The following CGGBP1 variants were observed in gnomAD, a reference collection of about 807,000 sequenced individuals.
CGGBP1 encodes CGG triplet repeat binding protein 1.
CGGBP1 carries 4 observed loss-of-function variants against 11.4 expected under a neutral mutation model. That is an observed-to-expected ratio of 0.35 (90% CI 0.17 to 0.80). The LOEUF (loss-of-function observed/expected upper bound fraction) is 0.80, where lower values mean the gene tolerates loss of function less well. Ranked by LOEUF, CGGBP1 falls within the 30% of genes least tolerant of loss-of-function variation. The pLI is 0.52. For missense variants in CGGBP1, 135 were observed against 202.1 expected (o/e 0.67, Z 2.01); for synonymous variants, 76 against 74.1 (o/e 1.03, Z -0.13).
chr3:88,142,414 C>T (rs1409139479), intron 1 of CGGBP1: 4 of 152,086 alleles, frequency 2.6e-5, no homozygotes, highest in Non-Finnish European at 5.9e-5. Context: ...AGAAAAAAAC[C>T]GATCAGTACT....
At chr3:88,064,803 C>T (rs1377978478) in intron 2 of CGGBP1, among the ~76,000 whole-genome samples, 1 of 152,098 alleles carries the variant, frequency 6.6e-6, no homozygotes, top group African/African-American at 2.4e-5. Context: ...TAGGATCAGA[C>T]GTAAATGTGG....
At chr3:88,115,793 A>G (rs1052508049) in intron 2 of CGGBP1, among the ~76,000 whole-genome samples, 3 of 152,278 alleles carry the variant, frequency 2.0e-5, no homozygotes, top group Admixed American at 1.3e-4. Context: ...CATATGATGC[A>G]TCTGCCTCAT....
chr3:88,068,409 C>T (rs1228442801), intron 2 of CGGBP1, among the ~76,000 whole-genome samples: 2 of 152,016 alleles, frequency 1.3e-5, no homozygotes, highest in African/African-American at 4.8e-5. Context: ...TATTAATAGA[C>T]AGGTGCACAA....
intron 2 of CGGBP1, among the ~76,000 whole-genome samples, chr3:88,076,675 T>G (rs1707821862): frequency 6.6e-6 from 1 of 152,234 alleles, no homozygotes; most frequent in Non-Finnish European, 1.5e-5. Context: ...TTGATCTTCA[T>G]GTACTTCTTG....
upstream of CGGBP1, chr3:88,059,049 G>A: frequency 1.7e-6 from 1 of 580,126 alleles, no homozygotes; most frequent in South Asian, 2.1e-5. Flanking sequence ...GAGCAGCATT[G>A]ACCAACAGAC....
chr3:88,056,097 C>A, intron 3 of CGGBP1, 98 bp from the exon 4 acceptor site: 1 of 892,462 alleles, frequency 1.1e-6, no homozygotes, highest in Non-Finnish European at 1.7e-6. Context: ...TCAAATACTT[C>A]AAAAAACTTA....
At chr3:88,083,432 G>C (rs2107652947) in intron 2 of CGGBP1, among the ~76,000 whole-genome samples, 1 of 152,262 alleles carries the variant, frequency 6.6e-6, no homozygotes, top group East Asian at 1.9e-4. Flanking sequence ...ATATGCTCTT[G>C]AAAGTGCTGC....
chr3:88,143,164 T>C (rs1707207996), intron 1 of CGGBP1: 1 of 152,284 alleles, frequency 6.6e-6, no homozygotes, highest in African/African-American at 2.4e-5. Flanking sequence ...GTGGGGAATT[T>C]CTTCCAGGTA....
At chr3:88,100,009 A>G (rs1293691304) in intron 2 of CGGBP1, among the ~76,000 whole-genome samples, 1 of 152,250 alleles carries the variant, frequency 6.6e-6, no homozygotes, top group African/African-American at 2.4e-5. Context: ...CTGCACAGCA[A>G]AAGAAACTAC....
intron 1 of CGGBP1, chr3:88,142,217 A>G (rs1257719963): frequency 6.6e-6 from 1 of 151,600 alleles, no homozygotes; most frequent in Non-Finnish European, 1.5e-5. Flanking sequence ...TCAATTAAAG[A>G]TTGTAACAGG....
chr3:88,061,707 G>A (rs1706893909), upstream of CGGBP1, among the ~76,000 whole-genome samples: 1 of 152,140 alleles, frequency 6.6e-6, no homozygotes, highest in African/African-American at 2.4e-5. Context: ...GTCAGTAAGG[G>A]AAGCAGGGGG....
At chr3:88,121,189 C>T (rs1413671579) in intron 2 of CGGBP1, among the ~76,000 whole-genome samples, 5 of 151,968 alleles carry the variant, frequency 3.3e-5, no homozygotes, top group South Asian at 4.1e-4. Flanking sequence ...AAATGCCTTC[C>T]GTGAATTATG....
chr3:88,101,911 T>C (rs1704449628), intron 2 of CGGBP1, among the ~76,000 whole-genome samples: 1 of 152,198 alleles, frequency 6.6e-6, no homozygotes, highest in Admixed American at 6.5e-5. Context: ...AGTCCTGTCG[T>C]TGGTAAGCAT....
chr3:88,133,201 G>A (rs1041428434), intron 2 of CGGBP1, among the ~76,000 whole-genome samples: 4 of 152,100 alleles, frequency 2.6e-5, no homozygotes, highest in African/African-American at 7.2e-5. Flanking sequence ...TCACATAGGA[G>A]ACATGGCCAC....
intron 2 of CGGBP1, chr3:88,140,147 T>C (rs1196613138): frequency 6.2e-7 from 1 of 1,613,934 alleles, no homozygotes; most frequent in East Asian, 2.2e-5. Context: ...ACGAGTCGTT[T>C]AAGCTGCCGT....
intron 2 of CGGBP1, among the ~76,000 whole-genome samples, chr3:88,108,084 G>A (rs1704853644): frequency 1.3e-5 from 2 of 151,932 alleles, no homozygotes; most frequent in Non-Finnish European, 2.9e-5. Context: ...TTTTTGTCAG[G>A]TGCCTGGAGA....
chr3:88,130,332 T>C (rs922914965), intron 2 of CGGBP1, among the ~76,000 whole-genome samples: 4 of 152,200 alleles, frequency 2.6e-5, no homozygotes, highest in East Asian at 1.9e-4. Context: ...TTTTATTTGC[T>C]AAACATAATC....
intron 2 of CGGBP1, among the ~76,000 whole-genome samples, chr3:88,108,403 G>A (rs557688984): frequency 1.3e-5 from 2 of 152,200 alleles, no homozygotes; most frequent in Admixed American, 6.5e-5. Context: ...AAAATACAGT[G>A]TACAGTTTTC....
chr3:88,120,921 GT>G (rs1156470133), intron 2 of CGGBP1, among the ~76,000 whole-genome samples: 2 of 152,056 alleles, frequency 1.3e-5, no homozygotes, highest in Non-Finnish European at 2.9e-5. Flanking sequence ...TTGGTCATAA[GT>G]TGAAAGGATA....
Sources: gnomAD v4.1 joint callset for allele counts (sites outside exome capture counted in the v4.1 genomes callset) on GRCh38, gnomAD v4.1.1 for gene constraint, MANE v1.5 for transcripts, NCBI Gene and HGNC (gene_info 2026-07-23, HGNC 2026-07-21) for gene names.